ACTR3C: variants seen among roughly 807,000 people sequenced by gnomAD.
The protein encoded by ACTR3C is actin-related protein 3C.
ACTR3C carries 18 observed loss-of-function variants against 26.3 expected under a neutral mutation model. The observed-to-expected ratio is 0.68, with a 90% CI of 0.47 to 1.01. ACTR3C has a LOEUF of 1.01. ACTR3C is among the 50% of genes least tolerant of loss of function. The pLI is 0.00. For synonymous variants in ACTR3C, 55 were observed against 94.5 expected (o/e 0.58, Z 2.42); for missense variants, 184 against 250.7 (o/e 0.73, Z 1.80).
At chr7:150,078,864 A>C in the ACTR3C span, among the ~76,000 whole-genome samples, 3 of 152,222 alleles carry the variant, frequency 2.0e-5, no homozygotes, top group African/African-American at 7.2e-5. Flanking sequence ...AGGAGCTGGG[A>C]CAGCAGAGGA....
the ACTR3C span, among the ~76,000 whole-genome samples, chr7:149,956,083 G>GCAA: frequency 2.0e-5 from 3 of 152,104 alleles, no homozygotes; most frequent in Non-Finnish European, 4.4e-5. Context: ...TTCCAAAAAG[G>GCAA]TTTTGAGGCA....
At chr7:150,136,787 A>G in the ACTR3C span, among the ~76,000 whole-genome samples, 1 of 152,232 alleles carries the variant, frequency 6.6e-6, no homozygotes, top group Non-Finnish European at 1.5e-5. Flanking sequence ...CTCTGCTGCG[A>G]GGGCTCAGCC....
chr7:149,917,845 C>T, the ACTR3C span, among the ~76,000 whole-genome samples: 1 of 151,592 alleles, frequency 6.6e-6, no homozygotes. Flanking sequence ...TTGATTGAGA[C>T]CCCTGGTGAG....
chr7:150,023,239 C>A, the ACTR3C span, among the ~76,000 whole-genome samples: 22 of 64,226 alleles, frequency 3.4e-4, no homozygotes, highest in Admixed American at 9.8e-4. Flanking sequence ...CTATATATCT[C>A]TCTATCTCTA....
the ACTR3C span, among the ~76,000 whole-genome samples, chr7:150,034,803 C>A: frequency 1.4e-5 from 2 of 147,198 alleles, no homozygotes; most frequent in Non-Finnish European, 3.0e-5. Flanking sequence ...GGCTCTCAGT[C>A]CCCGCCTCGT....
At chr7:150,197,478 T>C in the ACTR3C span, among the ~76,000 whole-genome samples, 1 of 152,234 alleles carries the variant, frequency 6.6e-6, no homozygotes, top group Non-Finnish European at 1.5e-5. Flanking sequence ...ATCTTCTCTC[T>C]AGTGGATTTT....
chr7:150,286,594 G>C, intron 4 of ACTR3C, 54 bp from the exon 5 acceptor site: 1 of 1,587,486 alleles, frequency 6.3e-7, no homozygotes, highest in Non-Finnish European at 8.6e-7. Flanking sequence ...CAGTGTCTCT[G>C]CCCTCAGACA....
At chr7:149,983,449 G>GTGTATATATATATATATATATATATATA in the ACTR3C span, among the ~76,000 whole-genome samples, 1 of 23,324 alleles carries the variant, frequency 4.3e-5, no homozygotes, top group African/African-American at 1.4e-4. Context: ...GTGTGTGTGT[G>GTGTATATATATATATATATATATATATA]TATATATATA....
At chr7:150,161,856 C>G in the ACTR3C span, among the ~76,000 whole-genome samples, 1 of 151,882 alleles carries the variant, frequency 6.6e-6, no homozygotes. Context: ...TAAGAGTGTT[C>G]CAACAACAAC....
the ACTR3C span, among the ~76,000 whole-genome samples, chr7:150,147,322 CAG>C: frequency 3.3e-5 from 5 of 151,830 alleles, no homozygotes; most frequent in African/African-American, 9.7e-5. Context: ...ATACCAACAA[CAG>C]GGGAATAAAA....
chr7:150,036,794 C>T, the ACTR3C span, among the ~76,000 whole-genome samples: 1 of 137,550 alleles, frequency 7.3e-6, no homozygotes, highest in Admixed American at 7.0e-5. Context: ...TCTAATTGGA[C>T]ACCTAACACC....
At chr7:150,017,898 G>C in the ACTR3C span, among the ~76,000 whole-genome samples, 1 of 150,270 alleles carries the variant, frequency 6.7e-6, no homozygotes, top group South Asian at 2.1e-4. Context: ...CATTTGCACA[G>C]TACGCAGTAT....
the ACTR3C span, among the ~76,000 whole-genome samples, chr7:150,081,656 C>T: frequency 2.2e-3 from 330 of 149,560 alleles, 7 homozygotes; most frequent in African/African-American, 8.3e-3. Context: ...TCATTTTAAA[C>T]TGTTTTCTCT....
the ACTR3C span, chr7:150,047,549 C>G: frequency 1.3e-6 from 1 of 767,826 alleles, no homozygotes; most frequent in Non-Finnish European, 1.6e-6. Flanking sequence ...GCCGACGCGT[C>G]TCGCTGCGCG....
the ACTR3C span, among the ~76,000 whole-genome samples, chr7:149,907,531 C>G: frequency 7.5e-6 from 1 of 132,756 alleles, no homozygotes. Flanking sequence ...CTCAGCCCAA[C>G]AATGTAACTG....
chr7:150,231,443 C>CT, the ACTR3C span, among the ~76,000 whole-genome samples: 40 of 151,812 alleles, frequency 2.6e-4, no homozygotes, highest in Admixed American at 2.1e-3. Flanking sequence ...TCTTCTCTCT[C>CT]TTGCCTTCCC....
the ACTR3C span, among the ~76,000 whole-genome samples, chr7:149,977,419 C>A: frequency 1.3e-5 from 2 of 152,208 alleles, no homozygotes; most frequent in African/African-American, 4.8e-5. Flanking sequence ...CTTTTTTAAA[C>A]CCCTGTCTTC....
chr7:150,035,171 A>G, the ACTR3C span, among the ~76,000 whole-genome samples: 1 of 137,166 alleles, frequency 7.3e-6, no homozygotes, highest in Admixed American at 7.2e-5. Flanking sequence ...CCAGGGGGGG[A>G]AGAGGGTCTG....
At chr7:150,223,746 G>T in the ACTR3C span, among the ~76,000 whole-genome samples, 3 of 152,140 alleles carry the variant, frequency 2.0e-5, no homozygotes, top group African/African-American at 7.2e-5. Context: ...AAACATGAAG[G>T]TTTTAAACAA....
Sources: allele counts gnomAD v4.1 joint callset (sites outside exome capture counted in the v4.1 genomes callset), GRCh38; gene constraint gnomAD v4.1.1; transcripts MANE v1.5; gene names NCBI Gene and HGNC (gene_info 2026-07-23, HGNC 2026-07-21).